The following TDRD3 variants were observed in gnomAD, a reference collection of about 807,000 sequenced individuals.
TDRD3 encodes tudor domain containing 3.
A neutral mutation model predicts 86.7 loss-of-function variants in TDRD3; 45 were observed. The observed-to-expected ratio is 0.52, with a 90% CI of 0.41 to 0.67. The LOEUF (loss-of-function observed/expected upper bound fraction) is 0.67. Ranked by LOEUF, TDRD3 falls within the 30% of genes least tolerant of loss-of-function variation. The pLI, the probability that TDRD3 is intolerant of heterozygous loss-of-function variation, is 0.00. For synonymous variants in TDRD3, 298 were observed against 301.7 expected (o/e 0.99, Z 0.13); for missense variants, 814 against 889.0 (o/e 0.92, Z 1.07).
chr13:60,530,482 C>T (rs1015163987), intron 11 of TDRD3, among the ~76,000 whole-genome samples: 10 of 151,834 alleles, frequency 6.6e-5, no homozygotes, highest in Admixed American at 5.9e-4. Context: ...CTCTTGTTGC[C>T]CAGGCTGGAG....
intron 1 of TDRD3, among the ~76,000 whole-genome samples, chr13:60,439,222 TGAAA>T (rs1169402365): frequency 2.0e-5 from 3 of 152,156 alleles, no homozygotes; most frequent in South Asian, 4.1e-4. Context: ...GAACCTTATG[TGAAA>T]GAAAGGGGAC....
intron 3 of TDRD3, among the ~76,000 whole-genome samples, chr13:60,456,309 C>T (rs1049948995): frequency 1.3e-5 from 2 of 152,054 alleles, no homozygotes; most frequent in African/African-American, 4.8e-5. Flanking sequence ...TATTTCATAT[C>T]CGTTGGTATG....
rs540874630 is a variant in TDRD3, at chr13:60,505,465, A to G, written c.859-4298A>G. Among the ~76,000 whole-genome samples, 16 of 152,320 alleles carry G rather than the reference A, an allele frequency of 1.1e-4. No individual in the cohort carries two copies. The East Asian group carries it at 3.1e-3, about 29-fold the overall frequency. On this transcript the variant is annotated intron_variant, in intron 8 of 13. Coordinates refer to ENST00000377881, the MANE Select transcript of TDRD3 (RefSeq NM_001146070.2). ...CCAGGGGATTATAGATAAAACTCCC[A>G]TGTCCCTGGGACAGAGCAACTGGGG...
intron 5 of TDRD3, among the ~76,000 whole-genome samples, chr13:60,478,790 T>C (rs1217685589): frequency 6.6e-6 from 1 of 150,838 alleles, no homozygotes; most frequent in Non-Finnish European, 1.5e-5. Context: ...ATTAGATTGT[T>C]AATTTGAGGA....
intron 12 of TDRD3, among the ~76,000 whole-genome samples, chr13:60,555,844 ATTTC>A (rs1484094739): frequency 2.4e-5 from 3 of 126,914 alleles, no homozygotes; most frequent in Admixed American, 7.6e-5. Context: ...AAACCAACCT[ATTTC>A]TTTCTTTTTT....
intron 7 of TDRD3, 36 bp from the exon 8 acceptor site, chr13:60,494,399 C>G (rs41293432): frequency 1.3e-6 from 2 of 1,582,368 alleles, no homozygotes; most frequent in Non-Finnish European, 1.7e-6. Flanking sequence ...TAAATGCTGT[C>G]TACATACCTC....
rs1428132033 is a variant in TDRD3, at chr13:60,403,967, C to T, written c.41+6562C>T. Among the ~76,000 whole-genome samples the T allele has an allele frequency of 8.5e-5, 13 of 152,284 alleles. No homozygotes were observed. The East Asian group carries it at 2.3e-3, about 27-fold the overall frequency. On this transcript the variant is annotated intron_variant, in intron 1 of 13. Transcript: ENST00000377881. ...ATTTATACCTCCTGTACACAAAGCA[C>T]TGTGTTGCTGAGCTATGATGTACAA...
At chr13:60,413,514 A>G (rs886449366) in intron 1 of TDRD3, among the ~76,000 whole-genome samples, 1 of 152,168 alleles carries the variant, frequency 6.6e-6, no homozygotes, top group Non-Finnish European at 1.5e-5. Flanking sequence ...ACTTCATAGT[A>G]TTGTTAGGAG....
chr13:60,462,965 A>G (rs995440342), intron 4 of TDRD3, among the ~76,000 whole-genome samples: 5 of 152,188 alleles, frequency 3.3e-5, no homozygotes, highest in African/African-American at 9.6e-5. Context: ...ATAAATCCAC[A>G]TACTTATAGC....
intron 5 of TDRD3, among the ~76,000 whole-genome samples, chr13:60,476,956 A>G (rs1956198357): frequency 6.6e-6 from 1 of 151,762 alleles, no homozygotes; most frequent in African/African-American, 2.4e-5. Context: ...CTTCTGGTGG[A>G]GTCTGTGGGG....
At chr13:60,562,011 A>C (rs944739281) in intron 12 of TDRD3, among the ~76,000 whole-genome samples, 1 of 152,122 alleles carries the variant, frequency 6.6e-6, no homozygotes, top group African/African-American at 2.4e-5. Context: ...TGTAATCTTC[A>C]TAGAGAATAA....
intron 5 of TDRD3, among the ~76,000 whole-genome samples, chr13:60,472,245 A>C (rs1296179402): frequency 6.6e-6 from 1 of 152,124 alleles, no homozygotes; most frequent in Admixed American, 6.6e-5. Flanking sequence ...AATGCTTTTT[A>C]TATGGTATGG....
intron 9 of TDRD3, 59 bp from the exon 10 acceptor site, chr13:60,510,571 A>G (rs1025195323): frequency 1.8e-5 from 26 of 1,428,034 alleles, no homozygotes; most frequent in Admixed American, 5.0e-5. Context: ...ATATATTAGT[A>G]TATATTCTCT....
chr13:60,513,947 C>T (rs767332341), intron 10 of TDRD3, among the ~76,000 whole-genome samples: 5 of 151,996 alleles, frequency 3.3e-5, no homozygotes, highest in Admixed American at 6.6e-5. Flanking sequence ...AAAGATAACC[C>T]GAAAATGTGG....
At chr13:60,446,299 T>C (rs899519984) in intron 3 of TDRD3, among the ~76,000 whole-genome samples, 10 of 152,168 alleles carry the variant, frequency 6.6e-5, no homozygotes, top group Non-Finnish European at 1.3e-4. Flanking sequence ...CTCAGCTCAC[T>C]GCAACCTCCA....
intron 1 of TDRD3, among the ~76,000 whole-genome samples, chr13:60,432,470 C>T (rs1357017201): frequency 1.3e-5 from 2 of 152,014 alleles, no homozygotes; most frequent in African/African-American, 4.8e-5. Context: ...TCCTTCTGCC[C>T]TAGAGGAGGG....
chr13:60,448,928 G>A (rs1028561154), intron 3 of TDRD3, among the ~76,000 whole-genome samples: 3 of 152,090 alleles, frequency 2.0e-5, no homozygotes, highest in African/African-American at 7.2e-5. Context: ...CTTATGTACT[G>A]CTATGGAGTC....
intron 7 of TDRD3, among the ~76,000 whole-genome samples, chr13:60,490,569 G>A (rs905773783): frequency 2.0e-5 from 3 of 152,152 alleles, no homozygotes; most frequent in African/African-American, 7.2e-5. Flanking sequence ...TTTGAGCACA[G>A]CAATAACCTC....
chr13:60,529,327 C>A, intron 11 of TDRD3, 110 bp downstream of exon 11: 2 of 1,224,298 alleles, frequency 1.6e-6, no homozygotes, highest in Non-Finnish European at 2.2e-6. Flanking sequence ...TACTATTGTA[C>A]CTGTTTAAAA....
Sources: allele counts gnomAD v4.1 joint callset (sites outside exome capture counted in the v4.1 genomes callset), GRCh38; gene constraint gnomAD v4.1.1; transcripts MANE v1.5; gene names NCBI Gene and HGNC (gene_info 2026-07-23, HGNC 2026-07-21).